The following RYR1 variants were observed in gnomAD, a reference collection of about 807,000 sequenced individuals.
RYR1 encodes the protein ryanodine receptor 1, also known as central core disease of muscle.
RYR1 carries 342 observed loss-of-function variants against 583.5 expected under a neutral mutation model. That is an observed-to-expected ratio of 0.59 (90% CI 0.54 to 0.64). The LOEUF is 0.64. Among genes scored for constraint, RYR1 ranks in the 30% least tolerant of loss-of-function variants. The pLI is 0.00. For missense variants in RYR1, 6,032 were observed against 6,917.2 expected, an observed-to-expected ratio of 0.87 and a Z score of 4.54; for synonymous variants, 2,791 against 2,822.5, an observed-to-expected ratio of 0.99 and a Z score of 0.35.
chr19:38,510,599 G>A (rs1232855261), intron 59 of RYR1, 34 bp downstream of exon 59: 2 of 1,614,092 alleles, frequency 1.2e-6, no homozygotes, highest in South Asian at 2.2e-5. Context: ...GAGGGCGCTG[G>A]GGACTCATAG....
At chr19:38,479,466 G>A (rs1968905283) in intron 31 of RYR1, among the ~76,000 whole-genome samples, 3 of 152,094 alleles carry the variant, frequency 2.0e-5, no homozygotes, top group Non-Finnish European at 2.9e-5. Context: ...GGAGTGCAGT[G>A]GTGTGATCAC....
chr19:38,547,048 T>C (rs1313758090), intron 88 of RYR1, among the ~76,000 whole-genome samples: 1 of 151,480 alleles, frequency 6.6e-6, no homozygotes, highest in African/African-American at 2.4e-5. Flanking sequence ...TTTTTTTTTT[T>C]TCTTTTCTGA....
intron 87 of RYR1, among the ~76,000 whole-genome samples, chr19:38,544,405 C>T (rs1249268309): frequency 6.6e-6 from 1 of 152,196 alleles, no homozygotes; most frequent in Non-Finnish European, 1.5e-5. Flanking sequence ...CTCACGAACA[C>T]TTAATCCATT....
At position 38,440,872 on chromosome 19, in the gene RYR1, C is replaced by T; in HGVS notation, c.165+8C>T. On this transcript the variant is annotated splice_region_variant and intron_variant, in intron 2 of 105. Coordinates refer to ENST00000359596, the MANE Select transcript of RYR1 (RefSeq NM_000540.3). ...CCCACTAGCAACGCGCAGGTCTGTG[C>T]AGGAGGGAGAGGGGCCTGGGGACAG... 1 of 1,609,874 alleles carries T rather than the reference C, an allele frequency of 6.2e-7. No individual in the cohort carries two copies. Among genetic ancestry groups the T allele is most frequent in the Non-Finnish European group, 8.5e-7 (1 of 1,177,982 alleles).
In RYR1 at chr19:38,515,010, C is replaced by A. The variant is rs779811826; in HGVS notation, c.9473-16C>A. On this transcript the variant is annotated splice_polypyrimidine_tract_variant and intron_variant, in intron 63 of 105. Transcript: ENST00000359596. ...TTGTGAGCGCATGCCGCAGCCTCGCCCCCTGTCTCCCTCAGTGGACGACGT... is the reference window on the plus strand; with the variant it reads ...TTGTGAGCGCATGCCGCAGCCTCGCACCCTGTCTCCCTCAGTGGACGACGT... 3 of 1,605,516 alleles carry A rather than the reference C, an allele frequency of 1.9e-6. No individual in the cohort carries two copies. Among genetic ancestry groups the A allele is most frequent in the Non-Finnish European group, 1.7e-6 (2 of 1,173,610 alleles).
In RYR1 at chr19:38,535,170, C is replaced by T; in HGVS notation, c.11389C>T (p.Leu3797=). ...GACAGGTGCCATGGTGTCCTCCACC[C>T]TGAAGCTGGGCATCTCCATCCTCAA... ...GETGAMVSST[L]KLGISILNGG... is the part of the protein sequence containing the mutation. Residue 3797 remains leucine (L), a synonymous_variant, in exon 80 of 106, where the codon CTG becomes TTG. Coordinates refer to ENST00000359596, the MANE Select transcript of RYR1 (RefSeq NM_000540.3). The T allele has an allele frequency of 6.2e-7, 1 of 1,614,166 alleles. No individual in the cohort carries two copies. The highest frequency in any genetic ancestry group is 1.6e-4 in the Middle Eastern group (1 of 6,062).
intron 101 of RYR1, 88 bp from the exon 102 acceptor site, chr19:38,584,855 A>G (rs1568611243): frequency 3.3e-6 from 5 of 1,530,668 alleles, no homozygotes; most frequent in Admixed American, 1.8e-5. Flanking sequence ...AGTCGTTACC[A>G]TGTCTTCAGC....
chr19:38,537,740 T>G, intron 83 of RYR1, 140 bp from the exon 84 acceptor site: 1 of 825,310 alleles, frequency 1.2e-6, no homozygotes. Context: ...CCTCACAGTG[T>G]CTTTGGAGTG....
At chr19:38,486,224 C>A in intron 34 of RYR1, 22 bp downstream of exon 34, 1 of 1,612,694 alleles carries the variant, frequency 6.2e-7, no homozygotes, top group South Asian at 1.1e-5. Context: ...CTCCTGCTTT[C>A]CTCTGTCCCA....
At position 38,587,499 on chromosome 19, in the gene RYR1, C is replaced by G; in HGVS notation, c.*79C>G. On this transcript the variant is annotated 3_prime_UTR_variant, in exon 106 of 106. Transcript: ENST00000359596. ...AGCCCCTTAGTCCCCAAGCCCCTCC[C>G]CCTAAGGCAGCTGGGGGAGAGGTGA... The G allele has an allele frequency of 9.8e-7, 1 of 1,024,404 alleles. No individual in the cohort carries two copies. Among genetic ancestry groups the G allele is most frequent in the Non-Finnish European group, 1.5e-6 (1 of 648,812 alleles). 63.5% of individuals were successfully genotyped at this position (1,024,404 alleles called of 1,614,324 possible). A position where few individuals can be genotyped will look rare whatever the true frequency, so the allele number is the denominator to read the frequency against.
Position 38,500,755 on chromosome 19 carries a change from A to C in RYR1, c.7444+29A>C, listed in dbSNP as rs774281133. The C allele has an allele frequency of 1.2e-6, 2 of 1,614,068 alleles. No homozygotes were observed. Among genetic ancestry groups the C allele is most frequent in the Non-Finnish European group, 1.7e-6 (2 of 1,180,010 alleles). ...CAGAGGGGATGGAACTTGGCGAAGGAGTGATGCTGGGGAGGGAGCGGCTGG... is the reference window on the plus strand; with the variant it reads ...CAGAGGGGATGGAACTTGGCGAAGGCGTGATGCTGGGGAGGGAGCGGCTGG... On this transcript the variant is annotated intron_variant, in intron 46 of 105. Coordinates refer to ENST00000359596, the MANE Select transcript of RYR1 (RefSeq NM_000540.3). The surrounding 1 kb of genome is among the most constrained non-coding windows in gnomAD (Gnocchi z 5.9).
chr19:38,483,292 C>T lies in RYR1; in HGVS notation c.4710C>T (p.Asn1570=), dbSNP rs763113534. The T allele has an allele frequency of 3.0e-5, 47 of 1,560,384 alleles. No individual in the cohort carries two copies. The highest frequency in any genetic ancestry group is 3.3e-4 in the Middle Eastern group (2 of 6,006). Residue 1570 remains asparagine (N), a splice_region_variant and synonymous_variant, in exon 33 of 106, where the codon AAC becomes AAT. Transcript: ENST00000359596. The surrounding 1 kb of genome is among the most constrained non-coding windows in gnomAD (Gnocchi z 6.3). ...VIQFELGKQK[N]IMPLSAAMFQ... Reference sequence around the variant, plus strand: ...CATGTGTGTCTCTCTGCCCTCAGAACATCATGCCGTTGTCAGCCGCCATGT... The same window carrying T: ...CATGTGTGTCTCTCTGCCCTCAGAATATCATGCCGTTGTCAGCCGCCATGT...
At chr19:38,571,657 A>G (rs1443566801) in intron 94 of RYR1, among the ~76,000 whole-genome samples, 2 of 152,136 alleles carry the variant, frequency 1.3e-5, no homozygotes, top group African/African-American at 2.4e-5. Context: ...AAAAAAGAGG[A>G]TGAGTGTGTG....
chr19:38,510,720 C>T lies in RYR1; in HGVS notation c.9061C>T (p.Pro3021Ser), dbSNP rs1970689557. Reference protein sequence around the residue: ...TNHCLYFLSTPAKVLGSGGHA... With the variant: ...TNHCLYFLSTSAKVLGSGGHA... ...CCACTGCCTCTATTTCTTGTCCACTCCGGCTAAAGTGCTGGGCAGCGGTGG... is the reference window on the plus strand; with the variant it reads ...CCACTGCCTCTATTTCTTGTCCACTTCGGCTAAAGTGCTGGGCAGCGGTGG... Residue 3021 changes from proline (P) to serine (S), a missense_variant, in exon 60 of 106, where the codon CCG becomes TCG. Pro to Ser is a moderately conservative substitution (Grantham distance 74). Around this residue, in one of 11 missense-constraint regions of RYR1, gnomAD observed 1,493 missense variants for 1,715.5 expected, o/e 0.87. Coordinates refer to ENST00000359596, the MANE Select transcript of RYR1 (RefSeq NM_000540.3). 1 of 1,614,192 alleles carries T rather than the reference C, an allele frequency of 6.2e-7. No homozygotes were observed. Among genetic ancestry groups the T allele is most frequent in the Non-Finnish European group, 8.5e-7 (1 of 1,180,042 alleles).
At chr19:38,585,369 G>GATAGATATATATATATATATATATATAT (rs1890244817) in intron 102 of RYR1, among the ~76,000 whole-genome samples, 3 of 141,064 alleles carry the variant, frequency 2.1e-5, no homozygotes, top group African/African-American at 7.8e-5. Context: ...AAAGGCCTGA[G>GATAGATATATATATATATATATATATAT]ATATATATAT....
At chr19:38,553,760 T>C (rs755345850) in intron 89 of RYR1, among the ~76,000 whole-genome samples, 64 of 152,262 alleles carry the variant, frequency 4.2e-4, no homozygotes, top group Non-Finnish European at 1.5e-4. Context: ...AGCCCTTTCG[T>C]TAGTTTCTTT....
rs528748067 is a variant in RYR1 at position 38,484,402 on chromosome 19, CCCTTCCTT to C, written c.4934+897_4934+904del. ...TTCCTCCCTCCTTCCCTCTCTCCTT[CCCTTCCTT>C]CCTTCCTTCCCCTCTCCCTCCCTCC... On this transcript the variant is annotated intron_variant, in intron 33 of 105. Transcript: ENST00000359596. 4.8e-3 allele frequency among the ~76,000 whole-genome samples: 730 copies of C among 151,220 alleles called. 9 individuals carry two copies. The highest frequency in any genetic ancestry group is 0.016 in the African/African-American group (640 of 41,156).
At chr19:38,441,301 T>C (rs1020645461) in intron 2 of RYR1, among the ~76,000 whole-genome samples, 5 of 148,654 alleles carry the variant, frequency 3.4e-5, no homozygotes, top group African/African-American at 1.3e-4. Context: ...GCAAAGGACC[T>C]GGAGCACAAG....
intron 87 of RYR1, among the ~76,000 whole-genome samples, chr19:38,545,947 C>T (rs1328726516): frequency 6.6e-6 from 1 of 152,154 alleles, no homozygotes; most frequent in African/African-American, 2.4e-5. Flanking sequence ...ACACTGTGGC[C>T]CTATGTTCCC....
Sources: allele counts gnomAD v4.1 joint callset (sites outside exome capture counted in the v4.1 genomes callset), GRCh38; gene constraint gnomAD v4.1.1; regional missense constraint gnomAD v4.1.1; non-coding constraint Gnocchi (gnomAD v3.1); transcripts MANE v1.5; gene names NCBI Gene and HGNC (gene_info 2026-07-23, HGNC 2026-07-21).